Variants in RYR2 observed in about 807,000 individuals in gnomAD.
The protein encoded by RYR2 is ryanodine receptor 2, also known as cardiac muscle ryanodine receptor-calcium release channel.
A neutral mutation model predicts 601.1 loss-of-function variants in RYR2; 227 were observed. That is an observed-to-expected ratio of 0.38 (90% CI 0.34 to 0.42). The LOEUF (loss-of-function observed/expected upper bound fraction) is 0.42. RYR2 is among the 10% of genes least tolerant of loss of function. The pLI, the probability that RYR2 is intolerant of heterozygous loss-of-function variation, is 1.00. For synonymous variants in RYR2, 2,223 were observed against 2,175.1 expected (o/e 1.02, Z -0.61); for missense variants, 4,646 against 6,156.5 (o/e 0.75, Z 8.21).
chr1:237,112,608 C>G (rs180703334), intron 1 of RYR2, among the ~76,000 whole-genome samples: 1,938 of 151,198 alleles, frequency 0.013, 24 homozygotes, highest in Non-Finnish European at 0.02. Flanking sequence ...ATGGCTCTCC[C>G]CTTCCAGGCA....
chr1:237,045,464 G>A (rs1187494778), intron 1 of RYR2, among the ~76,000 whole-genome samples: 1 of 152,100 alleles, frequency 6.6e-6, no homozygotes, highest in African/African-American at 2.4e-5. Context: ...AAATAGTTAT[G>A]TAGATGAATG....
intron 10 of RYR2, among the ~76,000 whole-genome samples, chr1:237,396,519 A>G (rs772646492): frequency 2.8e-4 from 43 of 152,004 alleles, no homozygotes; most frequent in Non-Finnish European, 1.6e-4. Context: ...TTCTCCCACT[A>G]TTTTCTCTTA....
chr1:237,297,144 A>G (rs139385890), intron 2 of RYR2, among the ~76,000 whole-genome samples: 2 of 152,230 alleles, frequency 1.3e-5, no homozygotes, highest in Admixed American at 1.3e-4. Context: ...AAAAGTACAT[A>G]TATAATTATT....
Position 237,418,337 on chromosome 1 carries a change from C to T in RYR2, c.848+1214C>T, listed in dbSNP as rs552204491. The stretch of plus-strand genomic sequence containing the variant: ...GATCACAGGTGTGAGCCACCACGCT[C>T]GGCCTAGTATAACTACCTTTATAGA... On this transcript the variant is annotated intron_variant, in intron 11 of 104. Coordinates refer to ENST00000366574, the MANE Select transcript of RYR2 (RefSeq NM_001035.3). Among the ~76,000 whole-genome samples, 13 of 152,290 alleles carry T rather than the reference C, an allele frequency of 8.5e-5. No individual in the cohort carries two copies. The East Asian group carries it at 1.5e-3, about 18-fold the overall frequency.
At chr1:237,097,566 T>A (rs1667620987) in intron 1 of RYR2, among the ~76,000 whole-genome samples, 1 of 152,240 alleles carries the variant, frequency 6.6e-6, no homozygotes. Context: ...TTCTCAGGCA[T>A]CCTCATGACA....
intron 44 of RYR2, among the ~76,000 whole-genome samples, chr1:237,636,012 ACTGAAAC>A (rs58644090): frequency 0.13 from 19,889 of 152,048 alleles, 1,544 homozygotes; most frequent in African/African-American, 0.22. Context: ...GCTGTGTAAA[ACTGAAAC>A]CTTTTCTCCA....
chr1:237,305,931 T>C (rs558708173), intron 2 of RYR2, among the ~76,000 whole-genome samples: 1 of 152,326 alleles, frequency 6.6e-6, no homozygotes, highest in African/African-American at 2.4e-5. Context: ...TTGGAATATA[T>C]GATACAAAGG....
At chr1:237,170,498 G>T (rs767522707) in intron 1 of RYR2, among the ~76,000 whole-genome samples, 2 of 152,210 alleles carry the variant, frequency 1.3e-5, no homozygotes, top group Admixed American at 6.5e-5. Flanking sequence ...GGTGCTAACA[G>T]AAGACTGGCT....
At chr1:237,557,125 G>A (rs1254199958) in intron 27 of RYR2, among the ~76,000 whole-genome samples, 1 of 152,090 alleles carries the variant, frequency 6.6e-6, no homozygotes, top group Non-Finnish European at 1.5e-5. Flanking sequence ...TTCCTCTCTG[G>A]CTGTTGGCAG....
intron 1 of RYR2, among the ~76,000 whole-genome samples, chr1:237,176,311 T>C (rs1354747022): frequency 6.7e-6 from 1 of 148,714 alleles, no homozygotes; most frequent in African/African-American, 2.4e-5. Context: ...TATTTTTTTA[T>C]TAACTCTGGC....
intron 29 of RYR2, among the ~76,000 whole-genome samples, chr1:237,583,850 C>A (rs531737338): frequency 6.6e-6 from 1 of 152,320 alleles, no homozygotes; most frequent in East Asian, 1.9e-4. Flanking sequence ...GCTCATCACC[C>A]TCCCCTCTGC....
At chr1:237,788,421 A>G (rs919895258) in intron 92 of RYR2, among the ~76,000 whole-genome samples, 1 of 152,230 alleles carries the variant, frequency 6.6e-6, no homozygotes, top group Non-Finnish European at 1.5e-5. Flanking sequence ...CCACAAAGAC[A>G]TTAGGACAAG....
At chr1:237,396,926 G>A (rs1255299913) in intron 10 of RYR2, among the ~76,000 whole-genome samples, 1 of 152,078 alleles carries the variant, frequency 6.6e-6, no homozygotes, top group African/African-American at 2.4e-5. Flanking sequence ...AAAAATCTTT[G>A]GGATCATAGA....
At chr1:237,085,944 G>A (rs1035064425) in intron 1 of RYR2, among the ~76,000 whole-genome samples, 1 of 152,180 alleles carries the variant, frequency 6.6e-6, no homozygotes, top group Admixed American at 6.5e-5. Context: ...TGGTGGAGAT[G>A]GGGTTTCACC....
intron 85 of RYR2, among the ~76,000 whole-genome samples, chr1:237,771,415 T>TA (rs5781990): frequency 0.38 from 54,672 of 143,080 alleles, 10,146 homozygotes; most frequent in Non-Finnish European, 0.43. Context: ...TGTCTCTCAA[T>TA]AAAAAAAAAA....
intron 2 of RYR2, among the ~76,000 whole-genome samples, chr1:237,305,942 T>C (rs974984271): frequency 6.6e-6 from 1 of 152,164 alleles, no homozygotes; most frequent in Non-Finnish European, 1.5e-5. Flanking sequence ...GATACAAAGG[T>C]ATTTCAATAA....
intron 56 of RYR2, among the ~76,000 whole-genome samples, chr1:237,662,999 A>G (rs2148856008): frequency 6.6e-6 from 1 of 152,338 alleles, no homozygotes; most frequent in East Asian, 1.9e-4. Flanking sequence ...TGTTGAGAGC[A>G]TCTCATTAGT....
At chr1:237,792,382 C>A in intron 94 of RYR2, 59 bp downstream of exon 94, 22 of 667,006 alleles carry the variant, frequency 3.3e-5, no homozygotes, top group Middle Eastern at 4.5e-4. Flanking sequence ...TGTGTGTGTG[C>A]GTGTGTGTGT....
intron 1 of RYR2, among the ~76,000 whole-genome samples, chr1:237,107,485 A>C (rs762477203): frequency 4.0e-5 from 5 of 125,024 alleles, no homozygotes; most frequent in South Asian, 3.2e-4. Context: ...GCACCACTGC[A>C]CTCCAGCCTG....
Sources: allele counts gnomAD v4.1 joint callset (sites outside exome capture counted in the v4.1 genomes callset), GRCh38; gene constraint gnomAD v4.1.1; transcripts MANE v1.5; gene names NCBI Gene and HGNC (gene_info 2026-07-23, HGNC 2026-07-21).